Variants in MAN1C1 observed in about 807,000 individuals in gnomAD.
The protein encoded by MAN1C1 is mannosyl-oligosaccharide 1,2-alpha-mannosidase IC.
Under a neutral mutation model 71.5 loss-of-function variants are expected in MAN1C1, and 49 were observed. The ratio of observed to expected loss-of-function variants is 0.69; its 90% CI spans 0.54 to 0.87. The LOEUF (loss-of-function observed/expected upper bound fraction) is 0.87, where lower values mean the gene tolerates loss of function less well. Ranked by LOEUF, MAN1C1 falls within the 40% of genes least tolerant of loss-of-function variation. The pLI, the probability that MAN1C1 is intolerant of heterozygous loss-of-function variation, is 0.00. For synonymous variants in MAN1C1, 352 were observed against 343.7 expected (o/e 1.02, Z -0.27); for missense variants, 743 against 835.0 (o/e 0.89, Z 1.36).
intron 2 of MAN1C1, among the ~76,000 whole-genome samples, chr1:25,706,000 A>G (rs1476385050): frequency 6.6e-6 from 1 of 152,236 alleles, no homozygotes; most frequent in Admixed American, 6.5e-5. Flanking sequence ...ATACAGAAAT[A>G]TCCACATTTT....
chr1:25,780,794 C>A, intron 9 of MAN1C1, 146 bp from the exon 10 acceptor site: 1 of 763,362 alleles, frequency 1.3e-6, no homozygotes, highest in Non-Finnish European at 2.2e-6. Flanking sequence ...CAGCCTTACA[C>A]AGCAGTCCAG....
Position 25,726,893 on chromosome 1 carries a change from TAA to T in MAN1C1, c.638-19759_638-19758del, listed in dbSNP as rs530911352. On this transcript the variant is annotated intron_variant, in intron 2 of 11. Coordinates refer to ENST00000374332, the MANE Select transcript of MAN1C1 (RefSeq NM_020379.4). ...CAATACAGTGAGACCTCATCTCTAT[TAA>T]AAAAAAAAAAAAAAAGCCAACTGCG... Among the ~76,000 whole-genome samples the T allele has an allele frequency of 5.8e-4, 74 of 127,148 alleles. 1 individual carries two copies. Among genetic ancestry groups the T allele is most frequent in the African/African-American group, 1.2e-3 (39 of 33,908 alleles). The allele number at this position is 127,148 out of a possible 152,430, so 83.4% of individuals were successfully genotyped here.
At chr1:25,687,063 C>G (rs1270559242) in intron 2 of MAN1C1, among the ~76,000 whole-genome samples, 1 of 152,052 alleles carries the variant, frequency 6.6e-6, no homozygotes, top group Non-Finnish European at 1.5e-5. Flanking sequence ...ATCCCTTGAG[C>G]CTGGGAGTTC....
At chr1:25,701,357 T>C (rs975354216) in intron 2 of MAN1C1, among the ~76,000 whole-genome samples, 4 of 152,234 alleles carry the variant, frequency 2.6e-5, no homozygotes, top group African/African-American at 9.6e-5. Context: ...CACCGGCTAG[T>C]GCAGACCCCT....
intron 2 of MAN1C1, among the ~76,000 whole-genome samples, chr1:25,688,226 A>G (rs2046261343): frequency 6.6e-6 from 1 of 152,202 alleles, no homozygotes. Flanking sequence ...TCAAATATGA[A>G]TTAAAGAGAT....
chr1:25,702,477 C>T (rs912616444), intron 2 of MAN1C1, among the ~76,000 whole-genome samples: 3 of 152,192 alleles, frequency 2.0e-5, no homozygotes, highest in Non-Finnish European at 4.4e-5. Flanking sequence ...CTCCTCAGGG[C>T]CCATCCCCCC....
At position 25,746,806 on chromosome 1, in the gene MAN1C1, GGGA is replaced by G; in HGVS notation, c.753+26_753+28del. ...GTGGTGAGTCAGAGGCCCTCGGCGG[GGGA>G]GGGGGGCGGGGGCCAGAAGAGGCCC... On this transcript the variant is annotated intron_variant, in intron 3 of 11. Transcript: ENST00000374332. The surrounding 1 kb of genome is among the most constrained non-coding windows in gnomAD (Gnocchi z 4.0). The G allele has an allele frequency of 1.4e-6, 2 of 1,390,752 alleles. No individual in the cohort carries two copies. The highest frequency in any genetic ancestry group is 1.2e-5 in the South Asian group (1 of 82,350). The allele number at this position is 1,390,752 out of a possible 1,614,324, so 86.2% of individuals were successfully genotyped here. A position where few individuals can be genotyped will look rare whatever the true frequency, so the allele number is the denominator to read the frequency against.
Position 25,778,037 on chromosome 1 carries a change from T to C in MAN1C1, c.1258-68T>C, listed in dbSNP as rs552228494. The C allele has an allele frequency of 6.6e-5, 81 of 1,233,092 alleles. No individual in the cohort carries two copies. The East Asian group carries it at 2.0e-3, about 30-fold the overall frequency. 76.4% of individuals were successfully genotyped at this position (1,233,092 alleles called of 1,614,324 possible). On this transcript the variant is annotated intron_variant, in intron 8 of 11. Transcript: ENST00000374332. The surrounding 1 kb of genome is among the most constrained non-coding windows in gnomAD (Gnocchi z 5.5). Reference sequence around the variant, plus strand: ...CTGTCTCCAAAATGTTCATTTTCCATCCTTTCCCCCCCTTCTCTGTGCCCT... The same window carrying C: ...CTGTCTCCAAAATGTTCATTTTCCACCCTTTCCCCCCCTTCTCTGTGCCCT...
In MAN1C1 at chr1:25,753,769, T is replaced by C. The variant is rs2047249083; in HGVS notation, c.929+191T>C. On this transcript the variant is annotated intron_variant, in intron 5 of 11. Coordinates refer to ENST00000374332, the MANE Select transcript of MAN1C1 (RefSeq NM_020379.4). The surrounding 1 kb of genome is among the most constrained non-coding windows in gnomAD (Gnocchi z 4.9). The stretch of plus-strand genomic sequence containing the variant: ...AAACTGAGGCACAGGGAGAGGACCA[T>C]ACCTACCTTGGGAGCCACAGTGAGT... Among the ~76,000 whole-genome samples the C allele has an allele frequency of 6.7e-6, 1 of 149,602 alleles. No homozygotes were observed. The highest frequency in any genetic ancestry group is 1.5e-5 in the Non-Finnish European group (1 of 66,238).
At chr1:25,712,866 G>A (rs1266045397) in intron 2 of MAN1C1, among the ~76,000 whole-genome samples, 1 of 152,128 alleles carries the variant, frequency 6.6e-6, no homozygotes, top group Non-Finnish European at 1.5e-5. Flanking sequence ...GAAAATGCAA[G>A]TGCCAAGACC....
At chr1:25,626,910 A>G (rs185245169) in intron 1 of MAN1C1, among the ~76,000 whole-genome samples, 1 of 152,210 alleles carries the variant, frequency 6.6e-6, no homozygotes, top group Admixed American at 6.5e-5. Context: ...GTGTATCAGT[A>G]TTTTCCTTTT....
Position 25,776,437 on chromosome 1 carries a change from C to T in MAN1C1, c.1258-1668C>T, listed in dbSNP as rs1349526944. 6.6e-6 allele frequency among the ~76,000 whole-genome samples: 1 copy of T among 152,136 alleles called. No individual in the cohort carries two copies. Among genetic ancestry groups the T allele is most frequent in the African/African-American group, 2.4e-5 (1 of 41,430 alleles). ...GTGGTGGCACACGCCTATAATTACC[C>T]AGCTACTTGGGAGGCTGAGGCACGA... On this transcript the variant is annotated intron_variant, in intron 8 of 11. Coordinates refer to ENST00000374332, the MANE Select transcript of MAN1C1 (RefSeq NM_020379.4). The surrounding 1 kb of genome is among the most constrained non-coding windows in gnomAD (Gnocchi z 4.3).
intron 2 of MAN1C1, among the ~76,000 whole-genome samples, chr1:25,696,883 G>C (rs2046377466): frequency 6.6e-6 from 1 of 152,160 alleles, no homozygotes; most frequent in African/African-American, 2.4e-5. Context: ...CTGGCCTCAA[G>C]GGGTCCTCCT....
At chr1:25,642,444 C>T (rs2045551191) in intron 1 of MAN1C1, among the ~76,000 whole-genome samples, 1 of 152,184 alleles carries the variant, frequency 6.6e-6, no homozygotes, top group Admixed American at 6.5e-5. Context: ...GAATTGCTGA[C>T]CTGGGTTGAT....
rs970643996 is a variant in MAN1C1 at position 25,617,725 on chromosome 1, C to T, written c.-73C>T. On this transcript the variant is annotated 5_prime_UTR_variant, in exon 1 of 12. Transcript: ENST00000374332. The surrounding 1 kb of genome is among the most constrained non-coding windows in gnomAD (Gnocchi z 5.1). ...CCCATCCCGGGCGGCGCTCCGGACGCCCTCCCCTCACCGCGCCCCCGCAGA... is the reference window on the plus strand; with the variant it reads ...CCCATCCCGGGCGGCGCTCCGGACGTCCTCCCCTCACCGCGCCCCCGCAGA... 18 of 1,441,954 alleles carry T rather than the reference C, an allele frequency of 1.2e-5. No individual in the cohort carries two copies. In the African/African-American group the frequency reaches 1.6e-4, roughly 13 times the overall value. 89.3% of individuals were successfully genotyped at this position (1,441,954 alleles called of 1,614,324 possible).
In MAN1C1 at chr1:25,776,408, G is replaced by T. The variant is rs191354547; in HGVS notation, c.1258-1697G>T. 6.6e-6 allele frequency among the ~76,000 whole-genome samples: 1 copy of T among 151,938 alleles called. No individual in the cohort carries two copies. ...TCTACTAAAAATACAAAAATTAGCC[G>T]GGGGTGGTGGCACACGCCTATAATT... is the stretch of plus-strand genomic sequence containing the variant. On this transcript the variant is annotated intron_variant, in intron 8 of 11. Transcript: ENST00000374332. The surrounding 1 kb of genome is among the most constrained non-coding windows in gnomAD (Gnocchi z 4.3).
intron 1 of MAN1C1, among the ~76,000 whole-genome samples, chr1:25,633,961 G>A (rs1038752091): frequency 9.9e-5 from 15 of 151,970 alleles, no homozygotes; most frequent in Admixed American, 9.2e-4. Context: ...TTGTAGGGCT[G>A]GTCTGGTAGT....
At chr1:25,755,168 G>A (rs1434023863) in intron 5 of MAN1C1, among the ~76,000 whole-genome samples, 2 of 152,138 alleles carry the variant, frequency 1.3e-5, no homozygotes, top group Non-Finnish European at 2.9e-5. Context: ...AGGACCCTGA[G>A]GAGAGGCCGT....
At chr1:25,624,915 C>A (rs940962282) in intron 1 of MAN1C1, among the ~76,000 whole-genome samples, 20 of 150,854 alleles carry the variant, frequency 1.3e-4, no homozygotes, top group African/African-American at 4.9e-4. Context: ...TCTTTGTGAT[C>A]TCATCTTATT....
Sources: gnomAD v4.1 joint callset for allele counts (sites outside exome capture counted in the v4.1 genomes callset) on GRCh38, gnomAD v4.1.1 for gene constraint, Gnocchi (gnomAD v3.1) non-coding constraint, MANE v1.5 for transcripts, NCBI Gene and HGNC (gene_info 2026-07-23, HGNC 2026-07-21) for gene names.